SAMMSON: variants seen among roughly 807,000 people sequenced by gnomAD.
SAMMSON encodes the protein long intergenic non-protein coding RNA 1212.
chr3:70,073,890 A>T (rs567588217), intron 4 of SAMMSON, among the ~76,000 whole-genome samples: 7 of 152,206 alleles, frequency 4.6e-5, no homozygotes, highest in Admixed American at 2.0e-4. Context: ...TTTATTAAAA[A>T]TAGGGCTAGA....
At chr3:70,001,980 T>C (rs1437934877) in intron 1 of SAMMSON, among the ~76,000 whole-genome samples, 3 of 152,194 alleles carry the variant, frequency 2.0e-5, no homozygotes. Context: ...TAACTTCTGT[T>C]GCTTGTAAAC....
chr3:70,427,925 AG>A (rs1402188923), intron 2 of SAMMSON, among the ~76,000 whole-genome samples: 1 of 152,186 alleles, frequency 6.6e-6, no homozygotes, highest in African/African-American at 2.4e-5. Context: ...ATTTAGAACC[AG>A]TTGTATTTCT....
At chr3:70,273,220 G>A (rs2106673729) in intron 6 of SAMMSON, among the ~76,000 whole-genome samples, 1 of 152,306 alleles carries the variant, frequency 6.6e-6, no homozygotes, top group African/African-American at 2.4e-5. Context: ...GTGAATGTTT[G>A]TCCCCAGAGA....
intron 4 of SAMMSON, among the ~76,000 whole-genome samples, chr3:70,087,106 A>G (rs1216836417): frequency 6.6e-6 from 1 of 152,088 alleles, no homozygotes; most frequent in Non-Finnish European, 1.5e-5. Flanking sequence ...CTCCAGGAGG[A>G]CACTGAGGAT....
intron 4 of SAMMSON, among the ~76,000 whole-genome samples, chr3:70,179,912 G>A (rs1701038534): frequency 6.6e-6 from 1 of 151,912 alleles, no homozygotes; most frequent in Non-Finnish European, 1.5e-5. Context: ...GATGCCCAGT[G>A]GATAGTGTCA....
At chr3:70,375,968 T>G (rs1703010998) in intron 9 of SAMMSON, among the ~76,000 whole-genome samples, 1 of 152,210 alleles carries the variant, frequency 6.6e-6, no homozygotes, top group Non-Finnish European at 1.5e-5. Flanking sequence ...GCAGACATTT[T>G]TAAAAATGTC....
rs531380198 is a variant in SAMMSON, at chr3:70,016,340, CTGTT to C, written n.417+2669_417+2672del. Among the ~76,000 whole-genome samples, 584 of 152,122 alleles carry C rather than the reference CTGTT, an allele frequency of 3.8e-3. 5 individuals carry two copies. Among genetic ancestry groups the C allele is most frequent in the African/African-American group, 0.013 (546 of 41,454 alleles). Reference sequence around the variant, plus strand: ...TGATGATGAGCATTTTTTCATGTGTCTGTTGTCTGTATAAATGTCTTCTTTTGAG... The same window carrying C: ...TGATGATGAGCATTTTTTCATGTGTCGTCTGTATAAATGTCTTCTTTTGAG... On this transcript the variant is annotated intron_variant and non_coding_transcript_variant, in intron 3 of 9. Coordinates refer to ENST00000642114, the Ensembl canonical transcript of SAMMSON.
chr3:70,208,483 T>G (rs1422795724), intron 4 of SAMMSON, among the ~76,000 whole-genome samples: 1 of 152,092 alleles, frequency 6.6e-6, no homozygotes. Context: ...TAGAATCACC[T>G]GGAAAATCTT....
At chr3:70,312,015 A>T in intron 7 of SAMMSON, 1 of 397,414 alleles carries the variant, frequency 2.5e-6, no homozygotes, top group Non-Finnish European at 4.4e-6. Flanking sequence ...ATTCATTAAG[A>T]ACCCAAATTT....
chr3:70,164,676 G>C (rs1046475607), intron 4 of SAMMSON, among the ~76,000 whole-genome samples: 4 of 152,126 alleles, frequency 2.6e-5, no homozygotes, highest in African/African-American at 7.2e-5. Flanking sequence ...GCTTGGACAA[G>C]TTTTTTAACC....
intron 6 of SAMMSON, among the ~76,000 whole-genome samples, chr3:70,265,918 T>C (rs6419773): frequency 0.98 from 148,473 of 152,234 alleles, 72,496 homozygotes; most frequent in Non-Finnish European, 1. Context: ...GGGGAAGCCA[T>C]ATCCATGATC....
At chr3:70,422,915 T>A (rs1057512820) in intron 2 of SAMMSON, among the ~76,000 whole-genome samples, 2 of 151,928 alleles carry the variant, frequency 1.3e-5, no homozygotes, top group African/African-American at 4.8e-5. Flanking sequence ...TTTTAACACA[T>A]CCTTGGGTAA....
chr3:70,081,351 G>C (rs1322540316), intron 4 of SAMMSON, among the ~76,000 whole-genome samples: 4 of 152,206 alleles, frequency 2.6e-5, no homozygotes, highest in Non-Finnish European at 5.9e-5. Context: ...CTGACCTCGT[G>C]ATCAGCCCAT....
chr3:70,134,415 A>G lies in SAMMSON; in HGVS notation n.507+62850A>G, dbSNP rs142509376. ...TCTGACCTATGAAAAAGTGTTAAGTACTACTTGGAGGTATCCCTGCATTTC... is the reference window on the plus strand; with the variant it reads ...TCTGACCTATGAAAAAGTGTTAAGTGCTACTTGGAGGTATCCCTGCATTTC... On this transcript the variant is annotated intron_variant and non_coding_transcript_variant, in intron 4 of 9. Transcript: ENST00000642114. 3.8e-3 allele frequency among the ~76,000 whole-genome samples: 581 copies of G among 151,796 alleles called. 10 individuals carry two copies. Among genetic ancestry groups the G allele is most frequent in the African/African-American group, 0.013 (544 of 41,376 alleles).
chr3:70,358,976 T>G (rs1362343853), intron 9 of SAMMSON, among the ~76,000 whole-genome samples: 2 of 152,124 alleles, frequency 1.3e-5, no homozygotes, highest in African/African-American at 4.8e-5. Flanking sequence ...CTTATTCAGC[T>G]GAGAGAGAGG....
Position 70,108,423 on chromosome 3 carries a change from C to CTTTTTTTTTTTTTTTTTTTTTTTTTTT in SAMMSON, n.507+36876_507+36877insTTTTTTTTTTTTTTTTTTTTTTTTTTT, listed in dbSNP as rs61561713. Among the ~76,000 whole-genome samples, 80 of 89,332 alleles carry CTTTTTTTTTTTTTTTTTTTTTTTTTTT rather than the reference C, an allele frequency of 9.0e-4. 11 individuals carry two copies. Among genetic ancestry groups the CTTTTTTTTTTTTTTTTTTTTTTTTTTT allele is most frequent in the East Asian group, 2.7e-3 (5 of 1,850 alleles). 58.6% of individuals were successfully genotyped at this position (89,332 alleles called of 152,430 possible). On this transcript the variant is annotated intron_variant and non_coding_transcript_variant, in intron 4 of 9. Transcript: ENST00000642114. ...TAGTGTTTCTCAACTCTTGCGGTTC[C>CTTTTTTTTTTTTTTTTTTTTTTTTTTT]TTTTTTTTTTTTTTTTTTATCATAA...
chr3:70,346,305 C>T (rs1702750100), intron 7 of SAMMSON, among the ~76,000 whole-genome samples: 2 of 122,734 alleles, frequency 1.6e-5, no homozygotes, highest in Admixed American at 9.5e-5. Context: ...AGATCTTTTG[C>T]TCATTGTTTT....
intron 4 of SAMMSON, among the ~76,000 whole-genome samples, chr3:70,245,258 A>C (rs1261997233): frequency 6.6e-6 from 1 of 152,122 alleles, no homozygotes; most frequent in Admixed American, 6.6e-5. Flanking sequence ...TGAGAATTAG[A>C]AAAAAACCAA....
At chr3:70,225,956 G>T (rs1042997766) in intron 4 of SAMMSON, among the ~76,000 whole-genome samples, 8 of 152,032 alleles carry the variant, frequency 5.3e-5, no homozygotes, top group Admixed American at 3.3e-4. Flanking sequence ...TGATGCTTAC[G>T]TCATTAACAA....
Sources: allele counts gnomAD v4.1 joint callset (sites outside exome capture counted in the v4.1 genomes callset), GRCh38; gene constraint gnomAD v4.1.1; transcripts MANE v1.5; gene names NCBI Gene and HGNC (gene_info 2026-07-23, HGNC 2026-07-21).